DHX58: variants seen among roughly 807,000 people sequenced by gnomAD.
The protein encoded by DHX58 is ATP-dependent RNA helicase DHX58.
Under a neutral mutation model 65.0 loss-of-function variants are expected in DHX58, and 51 were observed. The ratio of observed to expected loss-of-function variants is 0.78; its 90% CI spans 0.63 to 0.99. The LOEUF (loss-of-function observed/expected upper bound fraction) is 0.99, where lower values mean the gene tolerates loss of function less well. Ranked by LOEUF, DHX58 falls within the 50% of genes least tolerant of loss-of-function variation. DHX58 has a pLI of 0.00. For synonymous variants in DHX58, 350 were observed against 365.0 expected, an observed-to-expected ratio of 0.96 and a Z score of 0.47; for missense variants, 773 against 891.8, an observed-to-expected ratio of 0.87 and a Z score of 1.70.
Position 42,107,798 on chromosome 17 carries a change from G to A in DHX58, c.806-3C>T, listed in dbSNP as rs782803982. ...CTCCTGAAGCCCAGCCAAAGCCGCT[G>A]CGGGAAGAGGGCGCAGGGTCTGAGC... On this transcript the variant is annotated splice_polypyrimidine_tract_variant and splice_region_variant and intron_variant, in intron 7 of 13. Transcript: ENST00000251642. 60 of 1,568,198 alleles carry A rather than the reference G, an allele frequency of 3.8e-5. No homozygotes were observed. Among genetic ancestry groups the A allele is most frequent in the East Asian group, 7.0e-5 (3 of 42,796 alleles).
rs372283871 is a variant in DHX58, at chr17:42,105,724, C to T, written c.1251+12G>A. On this transcript the variant is annotated intron_variant, in intron 9 of 13. Transcript: ENST00000251642. ...CCCTCCCAGCGCCAGCATCTTTCCC[C>T]GAAGCCCACACCTGGGTCATGTGGG... The T allele has an allele frequency of 2.4e-5, 37 of 1,536,388 alleles. No homozygotes were observed. The highest frequency in any genetic ancestry group is 4.2e-5 in the African/African-American group (3 of 72,184).
intron 12 of DHX58, chr17:42,102,553 A>G (rs1048211475): frequency 2.2e-6 from 1 of 445,152 alleles, no homozygotes; most frequent in South Asian, 3.3e-5. Flanking sequence ...CAGTCTCCTT[A>G]TGGGTCTCTC....
intron 11 of DHX58, 42 bp from the exon 12 acceptor site, chr17:42,103,840 G>C (rs782333713): frequency 7.6e-6 from 12 of 1,577,928 alleles, no homozygotes; most frequent in Non-Finnish European, 1.0e-5. Context: ...GGGCCTAAGA[G>C]AACGTTCCTT....
intron 8 of DHX58, 100 bp downstream of exon 8, chr17:42,107,504 C>T: frequency 7.5e-7 from 1 of 1,340,894 alleles, no homozygotes; most frequent in South Asian, 1.6e-5. Flanking sequence ...AGTATCCTCA[C>T]GGGCACCTTC....
At chr17:42,104,693 C>T (rs1598214638) in intron 11 of DHX58, 73 bp downstream of exon 11, 2 of 1,569,536 alleles carry the variant, frequency 1.3e-6, no homozygotes, top group East Asian at 2.2e-5. Context: ...CGTATGTGTG[C>T]AGTCAGAAAC....
chr17:42,110,685 G>T, intron 5 of DHX58, 38 bp downstream of exon 5: 1 of 1,541,414 alleles, frequency 6.5e-7, no homozygotes, highest in Non-Finnish European at 8.7e-7. Context: ...AGTCCCTGGT[G>T]GGTCTGGCAG....
intron 7 of DHX58, 80 bp from the exon 8 acceptor site, chr17:42,107,875 CCACCCCTGGGGTG>C: frequency 6.4e-7 from 1 of 1,558,758 alleles, no homozygotes; most frequent in East Asian, 2.3e-5. Flanking sequence ...CCACTCGACT[CCACCCCTGGGGTG>C]GATAGGCCCC....
chr17:42,106,779 G>A (rs868940682), intron 8 of DHX58, among the ~76,000 whole-genome samples: 13 of 151,506 alleles, frequency 8.6e-5, no homozygotes, highest in African/African-American at 2.7e-4. Context: ...CAGCCTGGGC[G>A]ACAGAGCGAG....
chr17:42,101,798 T>G lies in DHX58; in HGVS notation c.2000A>C (p.His667Pro). The G allele has an allele frequency of 6.2e-7, 1 of 1,614,212 alleles. No individual in the cohort carries two copies. The highest frequency in any genetic ancestry group is 8.5e-7 in the Non-Finnish European group (1 of 1,180,040). Residue 667 changes from histidine (H) to proline (P), a missense_variant, in exon 14 of 14, where the codon CAT becomes CCT. Transcript: ENST00000251642. Reference protein sequence around the residue: ...FSVPDFDFLQHCAENLSDLSL... With the variant: ...FSVPDFDFLQPCAENLSDLSL... ...GAGGTCCGACAAGTTCTCGGCACAA[T>G]GCTGCAGGAAGTCAAAGTCAGGCAC...
chr17:42,103,395 G>T (rs1387681623), intron 12 of DHX58: 2 of 595,504 alleles, frequency 3.4e-6, no homozygotes, highest in Non-Finnish European at 5.8e-6. Flanking sequence ...CCAGATAGTG[G>T]CTGTGGGAAC....
chr17:42,103,024 G>A (rs147037560), intron 12 of DHX58, among the ~76,000 whole-genome samples: 17 of 152,204 alleles, frequency 1.1e-4, no homozygotes, highest in African/African-American at 4.1e-4. Context: ...CTAACCTCAA[G>A]TGATCTACCC....
chr17:42,107,859 G>A, intron 7 of DHX58, 64 bp from the exon 8 acceptor site: 1 of 1,542,352 alleles, frequency 6.5e-7, no homozygotes, highest in African/African-American at 1.4e-5. Context: ...GCCCCATAGG[G>A]CCGTCCCACT....
At chr17:42,103,852 G>T in intron 11 of DHX58, 54 bp from the exon 12 acceptor site, 1 of 1,543,608 alleles carries the variant, frequency 6.5e-7, no homozygotes. Flanking sequence ...ACGTTCCTTG[G>T]GGGACAAAAG....
chr17:42,102,105 C>T, intron 13 of DHX58, 111 bp downstream of exon 13: 1 of 1,447,042 alleles, frequency 6.9e-7, no homozygotes, highest in Admixed American at 1.8e-5. Flanking sequence ...CCTCTTCAGA[C>T]TGGAGGCCAT....
At position 42,108,043 on chromosome 17, in the gene DHX58, C is replaced by A; in HGVS notation, c.744G>T (p.Glu248Asp). 1 of 1,614,264 alleles carries A rather than the reference C, an allele frequency of 6.2e-7. No homozygotes were observed. Among genetic ancestry groups the A allele is most frequent in the Non-Finnish European group, 8.5e-7 (1 of 1,180,046 alleles). The stretch of plus-strand genomic sequence containing the variant: ...TTTGCGTCCCAAATTTCCGGCTCAA[C>A]TCAGGCATCTCCAGGTGGTCATGGA... ...DQIHDHLEMP[E>D]LSRKFGTQMY... Residue 248 changes from glutamate to aspartate, a missense_variant, in exon 7 of 14, where the codon GAG (glutamate) becomes GAT (aspartate). Glu to Asp is a conservative substitution (Grantham distance 45, BLOSUM62 2). Transcript: ENST00000251642.
At chr17:42,110,638 G>T in intron 5 of DHX58, 85 bp downstream of exon 5, 1 of 1,466,252 alleles carries the variant, frequency 6.8e-7, no homozygotes, top group Non-Finnish European at 9.1e-7. Context: ...GGGCTGGTGG[G>T]GACGGGGTAG....
intron 8 of DHX58, 66 bp downstream of exon 8, chr17:42,107,538 C>A: frequency 2.0e-6 from 3 of 1,464,742 alleles, no homozygotes; most frequent in Non-Finnish European, 2.7e-6. Context: ...GCGCCTGTGC[C>A]CTGGCCTCTG....
At position 42,103,559 on chromosome 17, in the gene DHX58, G is replaced by A. The variant is rs371096441; in HGVS notation, c.1754+49C>T. Reference sequence around the variant, plus strand: ...AAAGCTTCAAAGCACTGTCTGGATGGGAAGGATTCCCAGGCCCCCATCCCA... The same window carrying A: ...AAAGCTTCAAAGCACTGTCTGGATGAGAAGGATTCCCAGGCCCCCATCCCA... On this transcript the variant is annotated intron_variant, in intron 12 of 13. Transcript: ENST00000251642. The A allele has an allele frequency of 2.4e-5, 39 of 1,604,288 alleles. No homozygotes were observed. In the African/African-American group the frequency reaches 5.1e-4, roughly 21 times the overall value.
rs1472459020 is a variant in DHX58, at chr17:42,101,596, C to T, written c.*165G>A. On this transcript the variant is annotated 3_prime_UTR_variant, in exon 14 of 14. Coordinates refer to ENST00000251642, the MANE Select transcript of DHX58 (RefSeq NM_024119.3). The stretch of plus-strand genomic sequence containing the variant: ...AGGTCTGGACTAAGCTCTGGCCCTC[C>T]GGTTGTTTTCCCATTGCGGGAGCCT... 8 of 830,260 alleles carry T rather than the reference C, an allele frequency of 9.6e-6. No homozygotes were observed. The highest frequency in any genetic ancestry group is 3.4e-5 in the African/African-American group (2 of 58,242). 51.4% of individuals were successfully genotyped at this position (830,260 alleles called of 1,614,324 possible).
Sources: allele counts gnomAD v4.1 joint callset (sites outside exome capture counted in the v4.1 genomes callset), GRCh38; gene constraint gnomAD v4.1.1; transcripts MANE v1.5; gene names NCBI Gene and HGNC (gene_info 2026-07-23, HGNC 2026-07-21).